Variants in CACNB4 observed in about 807,000 individuals in gnomAD.
CACNB4 encodes voltage-dependent L-type calcium channel subunit beta-4.
Under a neutral mutation model 71.2 loss-of-function variants are expected in CACNB4, and 32 were observed. The observed-to-expected ratio is 0.45, with a 90% CI of 0.34 to 0.60. CACNB4 has a LOEUF of 0.60. CACNB4 is among the 20% of genes least tolerant of loss of function. CACNB4 has a pLI of 0.01. For missense variants in CACNB4, 464 were observed against 647.9 expected, an observed-to-expected ratio of 0.72 and a Z score of 3.08; for synonymous variants, 231 against 236.9, an observed-to-expected ratio of 0.97 and a Z score of 0.23.
At chr2:151,995,853 C>T (rs1221578947) in intron 2 of CACNB4, among the ~76,000 whole-genome samples, 1 of 152,242 alleles carries the variant, frequency 6.6e-6, no homozygotes, top group Non-Finnish European at 1.5e-5. Flanking sequence ...AGGCAAACTG[C>T]TCTTTGGGCT....
chr2:151,886,339 G>A (rs1368720568), intron 2 of CACNB4, among the ~76,000 whole-genome samples: 1 of 152,210 alleles, frequency 6.6e-6, no homozygotes, highest in African/African-American at 2.4e-5. Context: ...AAAAAAGCAA[G>A]CTGCCTGCTG....
At chr2:152,077,154 C>T (rs1023391827) in intron 2 of CACNB4, among the ~76,000 whole-genome samples, 2 of 152,218 alleles carry the variant, frequency 1.3e-5, no homozygotes, top group African/African-American at 2.4e-5. Flanking sequence ...AGCACAGTGG[C>T]TCATGCCTGT....
At chr2:151,862,901 C>G (rs2099842097) in intron 9 of CACNB4, among the ~76,000 whole-genome samples, 1 of 152,144 alleles carries the variant, frequency 6.6e-6, no homozygotes, top group South Asian at 2.1e-4. Context: ...GATGCACAGT[C>G]AAGTCTTCGC....
In CACNB4 at chr2:152,014,457, A is replaced by G. The variant is rs967590589; in HGVS notation, c.147+83873T>C. Among the ~76,000 whole-genome samples the G allele has an allele frequency of 2.0e-5, 3 of 152,008 alleles. No individual in the cohort carries two copies. In the East Asian group the frequency reaches 5.8e-4, roughly 29 times the overall value. ...AAAGAATCATAATTTTTGGCTGGAC[A>G]TGGTGGCTCTCACCTGTAATCCTAG... On this transcript the variant is annotated intron_variant, in intron 2 of 13. Transcript: ENST00000539935.
chr2:152,054,498 T>C (rs1441604059), intron 2 of CACNB4, among the ~76,000 whole-genome samples: 1 of 152,214 alleles, frequency 6.6e-6, no homozygotes, highest in Non-Finnish European at 1.5e-5. Flanking sequence ...TTTGGGTTGT[T>C]TCCTTTTTTG....
At chr2:152,013,536 C>T (rs1560132176) in intron 2 of CACNB4, among the ~76,000 whole-genome samples, 1 of 151,986 alleles carries the variant, frequency 6.6e-6, no homozygotes, top group Admixed American at 6.6e-5. Context: ...CTTGTGAGTC[C>T]CATGATGGAA....
At chr2:152,068,902 C>T (rs1686500186) in intron 2 of CACNB4, among the ~76,000 whole-genome samples, 1 of 152,044 alleles carries the variant, frequency 6.6e-6, no homozygotes, top group Non-Finnish European at 1.5e-5. Context: ...ATGTCATGTC[C>T]TCTAGGCCCT....
intron 2 of CACNB4, among the ~76,000 whole-genome samples, chr2:151,941,288 T>A (rs905396235): frequency 2.7e-5 from 4 of 149,532 alleles, no homozygotes; most frequent in Non-Finnish European, 5.9e-5. Flanking sequence ...TTTTTTTTTT[T>A]TTTTTTTTTT....
At chr2:152,026,217 C>A (rs369015418) in intron 2 of CACNB4, among the ~76,000 whole-genome samples, 2 of 152,160 alleles carry the variant, frequency 1.3e-5, no homozygotes, top group Admixed American at 6.5e-5. Context: ...CCCTTCCACT[C>A]GAGCACTGGA....
chr2:151,909,755 CATAGT>C (rs887791836), intron 2 of CACNB4, among the ~76,000 whole-genome samples: 90 of 152,284 alleles, frequency 5.9e-4, no homozygotes, highest in African/African-American at 2.1e-3. Flanking sequence ...TTTATGGCTG[CATAGT>C]ATCCCATGGT....
At chr2:151,958,501 A>G (rs1465004874) in intron 2 of CACNB4, among the ~76,000 whole-genome samples, 1 of 152,232 alleles carries the variant, frequency 6.6e-6, no homozygotes, top group African/African-American at 2.4e-5. Flanking sequence ...TCAGTGGAAA[A>G]GATATCAGAA....
At chr2:152,057,814 G>A (rs1685800725) in intron 2 of CACNB4, among the ~76,000 whole-genome samples, 1 of 147,426 alleles carries the variant, frequency 6.8e-6, no homozygotes, top group African/African-American at 2.5e-5. Context: ...CCTATGGCAG[G>A]CAGAGGGAAG....
chr2:151,884,861 T>A (rs1200165691), intron 2 of CACNB4, among the ~76,000 whole-genome samples: 1 of 152,198 alleles, frequency 6.6e-6, no homozygotes, highest in African/African-American at 2.4e-5. Context: ...AGGACTGGTG[T>A]ATTTGATTAT....
chr2:151,919,837 A>AAAAC (rs1280596293), intron 2 of CACNB4, among the ~76,000 whole-genome samples: 13 of 151,950 alleles, frequency 8.6e-5, no homozygotes, highest in Admixed American at 7.9e-4. Context: ...GCAAGTTTGG[A>AAAAC]AAACAAACAA....
chr2:152,061,378 G>C (rs1686005756), intron 2 of CACNB4, among the ~76,000 whole-genome samples: 1 of 152,078 alleles, frequency 6.6e-6, no homozygotes, highest in South Asian at 2.1e-4. Context: ...GAGGTAATTA[G>C]TATTGTCCAA....
intron 2 of CACNB4, among the ~76,000 whole-genome samples, chr2:151,975,587 T>C (rs775077497): frequency 6.6e-6 from 1 of 152,194 alleles, no homozygotes; most frequent in Non-Finnish European, 1.5e-5. Flanking sequence ...AACCCAGTGC[T>C]GGCTCTACCT....
chr2:152,044,276 A>G (rs1428849569), intron 2 of CACNB4, among the ~76,000 whole-genome samples: 1 of 152,132 alleles, frequency 6.6e-6, no homozygotes, highest in Non-Finnish European at 1.5e-5. Context: ...GTTGGAGTGC[A>G]GTGGAGCAAT....
At chr2:151,935,182 T>G (rs1440540393) in intron 2 of CACNB4, among the ~76,000 whole-genome samples, 1 of 152,222 alleles carries the variant, frequency 6.6e-6, no homozygotes, top group Non-Finnish European at 1.5e-5. Flanking sequence ...TTATACAGCT[T>G]CAAACAAGGC....
chr2:151,895,960 T>A (rs2099851942), intron 2 of CACNB4, among the ~76,000 whole-genome samples: 2 of 151,888 alleles, frequency 1.3e-5, no homozygotes, highest in African/African-American at 4.8e-5. Flanking sequence ...TTCTCCTGCA[T>A]CAGCCTCCCC....
Sources: allele counts gnomAD v4.1 joint callset (sites outside exome capture counted in the v4.1 genomes callset), GRCh38; gene constraint gnomAD v4.1.1; transcripts MANE v1.5; gene names NCBI Gene and HGNC (gene_info 2026-07-23, HGNC 2026-07-21).